Variants in MYBPHL observed in about 807,000 individuals in gnomAD.
The protein encoded by MYBPHL is myosin-binding protein H-like.
In MYBPHL, 32 loss-of-function variants were observed where a neutral mutation model predicts 39.5. That is an observed-to-expected ratio of 0.81 (90% CI 0.61 to 1.09). The LOEUF (loss-of-function observed/expected upper bound fraction) is 1.09, where lower values mean the gene tolerates loss of function less well. Among genes scored for constraint, MYBPHL ranks in the 50% least tolerant of loss-of-function variants. MYBPHL has a pLI of 0.00. For synonymous variants in MYBPHL, 196 were observed against 183.7 expected (o/e 1.07, Z -0.54); for missense variants, 456 against 460.2 (o/e 0.99, Z 0.08).
intron 7 of MYBPHL, 38 bp downstream of exon 7, chr1:109,295,073 C>T: frequency 6.2e-7 from 1 of 1,600,474 alleles, no homozygotes; most frequent in Non-Finnish European, 8.5e-7. Context: ...GAGGAGGTGA[C>T]TGGCACCCTA....
At chr1:109,297,720 T>G in intron 2 of MYBPHL, 103 bp from the exon 3 acceptor site, 2 of 1,050,670 alleles carry the variant, frequency 1.9e-6, no homozygotes, top group Non-Finnish European at 2.7e-6. Flanking sequence ...GAGGCTTGAC[T>G]TGGAGCTGCA....
intron 1 of MYBPHL, among the ~76,000 whole-genome samples, chr1:109,304,944 A>G (rs1658412248): frequency 6.6e-6 from 1 of 152,108 alleles, no homozygotes; most frequent in South Asian, 2.1e-4. Context: ...TTCCTGTGAT[A>G]CTCAGTCCCA....
At position 109,297,503 on chromosome 1, in the gene MYBPHL, G is replaced by T. The variant is rs139190609; in HGVS notation, c.349C>A (p.Arg117Ser). 10 of 1,613,680 alleles carry T rather than the reference G, an allele frequency of 6.2e-6. No individual in the cohort carries two copies. The highest frequency in any genetic ancestry group is 8.5e-6 in the Non-Finnish European group (10 of 1,180,038). Residue 117 changes from arginine (R) to serine (S), a missense_variant, in exon 3 of 9, where the codon CGT (arginine) becomes AGT (serine). Coordinates refer to ENST00000357155, the MANE Select transcript of MYBPHL (RefSeq NM_001010985.3). ...DSILFIREAQ[R>S]ADSGRYQLRV... is the part of the protein sequence containing the mutation. ...AGTTGGTAGCGACCTGAGTCAGCAC[G>T]TTGGGCTTCTCGGATGAAGAGGATG... is the stretch of plus-strand genomic sequence containing the variant.
At position 109,297,412 on chromosome 1, in the gene MYBPHL, C is replaced by G. The variant is rs745933150; in HGVS notation, c.430+10G>C. The G allele has an allele frequency of 6.2e-7, 1 of 1,607,718 alleles. No homozygotes were observed. The highest frequency in any genetic ancestry group is 8.5e-7 in the Non-Finnish European group (1 of 1,176,700). ...GAGGACCCCCCCATCTCCCACTTCC[C>G]CCACCGTACCAATCACCAGGATGTC... On this transcript the variant is annotated intron_variant, in intron 3 of 8. Transcript: ENST00000357155.
In MYBPHL at chr1:109,297,491, C is replaced by T. The variant is rs1165902463; in HGVS notation, c.361G>A (p.Gly121Ser). ...AGCTGCACGCGGAGTTGGTAGCGAC[C>T]TGAGTCAGCACGTTGGGCTTCTCGG... is the stretch of plus-strand genomic sequence containing the variant. ...FIREAQRADS[G>S]RYQLRVQLGG... The change falls in exon 3 of 9, where the codon GGT (glycine) becomes AGT (serine). Residue 121 changes from glycine to serine, a missense_variant. Physicochemically the swap from Gly to Ser is moderately conservative, Grantham distance 56. Transcript: ENST00000357155. 3 of 1,613,560 alleles carry T rather than the reference C, an allele frequency of 1.9e-6. No individual in the cohort carries two copies. Among genetic ancestry groups the T allele is most frequent in the African/African-American group, 2.7e-5 (2 of 74,918 alleles).
intron 8 of MYBPHL, among the ~76,000 whole-genome samples, chr1:109,293,923 G>A (rs759347970): frequency 1.6e-4 from 24 of 151,972 alleles, no homozygotes; most frequent in Non-Finnish European, 3.1e-4. Flanking sequence ...AATTAGCCGG[G>A]CATGGTGGCG....
At chr1:109,303,273 G>A (rs893117792) in intron 1 of MYBPHL, among the ~76,000 whole-genome samples, 16 of 151,824 alleles carry the variant, frequency 1.1e-4, no homozygotes, top group African/African-American at 3.9e-4. Context: ...TCACTACCTA[G>A]CACCCCTTTC....
intron 7 of MYBPHL, 69 bp downstream of exon 7, chr1:109,295,042 T>C: frequency 1.3e-6 from 2 of 1,544,618 alleles, no homozygotes; most frequent in Middle Eastern, 2.4e-4. Flanking sequence ...CTCTGTTCCC[T>C]GACTCTTCCA....
intron 1 of MYBPHL, among the ~76,000 whole-genome samples, chr1:109,304,789 A>G (rs1658409013): frequency 6.6e-6 from 1 of 152,202 alleles, no homozygotes; most frequent in Non-Finnish European, 1.5e-5. Context: ...CTGTTTACCA[A>G]TGCTGGCCAC....
Position 109,295,299 on chromosome 1 carries a change from T to C in MYBPHL, c.868-2A>G. ...GTTCTTCAGCCAGATGATCTTGGGC[T>C]GGAAGACAAAGATGAGGGAGGCAGC... On this transcript the variant is annotated splice_acceptor_variant, in intron 6 of 8. Transcript: ENST00000357155. LOFTEE classifies it high-confidence loss of function. 1 of 1,613,180 alleles carries C rather than the reference T, an allele frequency of 6.2e-7. No homozygotes were observed. The highest frequency in any genetic ancestry group is 8.5e-7 in the Non-Finnish European group (1 of 1,179,400).
Position 109,298,266 on chromosome 1 carries a change from T to C in MYBPHL, c.146-9A>G, listed in dbSNP as rs777112102. ...CCAGATCTTGGGGTGCTCTGAGTGATGGAAAGAGAGAGAATAGGAGATGGA... is the reference window on the plus strand; with the variant it reads ...CCAGATCTTGGGGTGCTCTGAGTGACGGAAAGAGAGAGAATAGGAGATGGA... On this transcript the variant is annotated splice_polypyrimidine_tract_variant and intron_variant, in intron 1 of 8. Transcript: ENST00000357155. 55 of 1,606,736 alleles carry C rather than the reference T, an allele frequency of 3.4e-5. No homozygotes were observed. Among genetic ancestry groups the C allele is most frequent in the Middle Eastern group, 1.7e-4 (1 of 6,060 alleles).
chr1:109,297,725 G>A (rs1658134571), intron 2 of MYBPHL, 108 bp from the exon 3 acceptor site: 1 of 993,258 alleles, frequency 1.0e-6, no homozygotes. Flanking sequence ...TTGACTTGGA[G>A]CTGCACATTC....
chr1:109,306,767 G>A (rs1436915801), intron 1 of MYBPHL, 80 bp downstream of exon 1: 2 of 1,281,514 alleles, frequency 1.6e-6, no homozygotes, highest in Non-Finnish European at 1.0e-6. Context: ...AAAACCTGAG[G>A]CGCCGTTCAG....
Position 109,297,434 on chromosome 1 carries a change from T to C in MYBPHL, c.418A>G (p.Ile140Val). 2.5e-6 allele frequency: 4 copies of C among 1,612,188 alleles called. 1 individual carries two copies. The Admixed American group carries it at 5.0e-5, about 20-fold the overall frequency. The change falls in exon 3 of 9, where the codon ATC (isoleucine) becomes GTC (valine). Residue 140 changes from isoleucine (I) to valine (V), a missense_variant. Coordinates refer to ENST00000357155, the MANE Select transcript of MYBPHL (RefSeq NM_001010985.3). ...TCCCCCACCGTACCAATCACCAGGA[T>C]GTCAATGGTGGCGGTGGCCTCCAGC... The part of the protein sequence containing the change: ...GGLEATATID[I>V]LVIERPGPPQ...
chr1:109,297,395 C>T (rs755714297), intron 3 of MYBPHL, 27 bp downstream of exon 3: 2 of 1,599,190 alleles, frequency 1.3e-6, no homozygotes, highest in Non-Finnish European at 1.7e-6. Context: ...CTGAGGACCC[C>T]CCCATCTCCC....
chr1:109,300,827 G>A (rs1431118895), intron 1 of MYBPHL, among the ~76,000 whole-genome samples: 1 of 152,142 alleles, frequency 6.6e-6, no homozygotes, highest in Admixed American at 6.5e-5. Flanking sequence ...TCCATTGCCG[G>A]TTCTCTGCTT....
intron 1 of MYBPHL, among the ~76,000 whole-genome samples, chr1:109,303,631 C>A (rs745620920): frequency 7.2e-5 from 11 of 152,140 alleles, no homozygotes; most frequent in Non-Finnish European, 1.6e-4. Context: ...TCCCTACCTT[C>A]TCCCTCATTC....
chr1:109,299,474 C>T (rs962112985), intron 1 of MYBPHL, among the ~76,000 whole-genome samples: 5 of 152,188 alleles, frequency 3.3e-5, no homozygotes, highest in African/African-American at 7.2e-5. Flanking sequence ...ATGTAAGTGA[C>T]GCAACTGAAA....
At chr1:109,298,415 T>C (rs1002766938) in intron 1 of MYBPHL, among the ~76,000 whole-genome samples, 158 bp from the exon 2 acceptor site, 2 of 151,952 alleles carry the variant, frequency 1.3e-5, no homozygotes, top group East Asian at 3.9e-4. Flanking sequence ...CTGCTGGGAT[T>C]TGGGGATGAG....
Sources: gnomAD v4.1 joint callset for allele counts (sites outside exome capture counted in the v4.1 genomes callset) on GRCh38, gnomAD v4.1.1 for gene constraint, MANE v1.5 for transcripts, NCBI Gene and HGNC (gene_info 2026-07-23, HGNC 2026-07-21) for gene names.